Variants in SKA2 observed in about 807,000 individuals in gnomAD.
SKA2 encodes the protein spindle and kinetochore associated complex subunit 2.
In SKA2, 13 loss-of-function variants were observed where a neutral mutation model predicts 16.9. The ratio of observed to expected loss-of-function variants is 0.77; its 90% CI spans 0.50 to 1.22. The LOEUF (loss-of-function observed/expected upper bound fraction) is 1.22, where lower values mean the gene tolerates loss of function less well. Among genes scored for constraint, SKA2 ranks in the 50% most tolerant of loss-of-function variants. The pLI, the probability that SKA2 is intolerant of heterozygous loss-of-function variation, is 0.00. For synonymous variants in SKA2, 47 were observed against 48.5 expected (o/e 0.97, Z 0.13); for missense variants, 107 against 139.7 (o/e 0.77, Z 1.18).
At chr17:59,117,586 T>C (rs1339397914) in intron 3 of SKA2, among the ~76,000 whole-genome samples, 1 of 146,666 alleles carries the variant, frequency 6.8e-6, no homozygotes, top group Non-Finnish European at 1.5e-5. Context: ...TTCTTTTTCT[T>C]TTTTTTCTTT....
intron 3 of SKA2, among the ~76,000 whole-genome samples, chr17:59,113,548 G>A (rs904361383): frequency 7.3e-5 from 11 of 150,640 alleles, no homozygotes; most frequent in African/African-American, 2.2e-4. Flanking sequence ...AAGAGGCCGG[G>A]CACAGTGGCT....
In SKA2 at chr17:59,131,344, C is replaced by T. The variant is rs1414886402; in HGVS notation, c.57G>A (p.Leu19=). The change falls in exon 2 of 4, where the codon CTG becomes CTA. Residue 19 remains leucine, a synonymous_variant. Transcript: ENST00000330137. The stretch of plus-strand genomic sequence containing the variant: ...ATTCCAGCCTGTATTGAATGTAATC[C>T]AGATCAGACTCAGCTTTCTGGAACT... ...ELMFQKAESD[L]DYIQYRLEYE... 2 of 1,569,720 alleles carry T rather than the reference C, an allele frequency of 1.3e-6. No homozygotes were observed. Among genetic ancestry groups the T allele is most frequent in the South Asian group, 1.2e-5 (1 of 84,224 alleles).
At chr17:59,154,203 A>G (rs1452838737) in intron 1 of SKA2, among the ~76,000 whole-genome samples, 3 of 151,760 alleles carry the variant, frequency 2.0e-5, no homozygotes, top group East Asian at 1.9e-4. Context: ...GAAAAGAAAA[A>G]AAAGATAATG....
intron 1 of SKA2, among the ~76,000 whole-genome samples, chr17:59,135,662 A>G (rs1247416880): frequency 1.3e-5 from 2 of 151,836 alleles, no homozygotes; most frequent in South Asian, 2.1e-4. Flanking sequence ...CATAGGCATC[A>G]TTACAAATTA....
intron 1 of SKA2, among the ~76,000 whole-genome samples, chr17:59,136,721 G>T (rs184668493): frequency 1.9e-3 from 295 of 151,850 alleles, no homozygotes; most frequent in African/African-American, 6.6e-3. Flanking sequence ...GCTAAGTTTT[G>T]TATTTTTAGT....
intron 1 of SKA2, among the ~76,000 whole-genome samples, chr17:59,142,927 CAA>C (rs111796693): frequency 3.3e-5 from 2 of 60,320 alleles, no homozygotes; most frequent in Non-Finnish European, 6.9e-5. Context: ...AACCCCATCT[CAA>C]AAAAAAAAAA....
At chr17:59,152,711 AT>A (rs2046586886) in intron 1 of SKA2, among the ~76,000 whole-genome samples, 1 of 152,096 alleles carries the variant, frequency 6.6e-6, no homozygotes, top group Non-Finnish European at 1.5e-5. Context: ...CAAGTATAAC[AT>A]TTTTTTCTAG....
rs142426741 is a variant in SKA2, at chr17:59,112,773, T to C, written c.298-428A>G. Among the ~76,000 whole-genome samples, 3 of 152,284 alleles carry C rather than the reference T, an allele frequency of 2.0e-5. No individual in the cohort carries two copies. The East Asian group carries it at 5.8e-4, about 29-fold the overall frequency. Reference sequence around the variant, plus strand: ...TACATATCCTCCTGTATACTTTAAATCATCTCTAGATTACTTATATACCTA... The same window carrying C: ...TACATATCCTCCTGTATACTTTAAACCATCTCTAGATTACTTATATACCTA... On this transcript the variant is annotated intron_variant, in intron 3 of 3. Transcript: ENST00000330137.
intron 2 of SKA2, among the ~76,000 whole-genome samples, chr17:59,122,843 G>A (rs954086035): frequency 6.6e-6 from 1 of 151,588 alleles, no homozygotes; most frequent in Admixed American, 6.6e-5. Flanking sequence ...GGCTGGTCTA[G>A]AACTCCTGAC....
At chr17:59,131,233 A>G (rs1326556988) in intron 2 of SKA2, 48 bp downstream of exon 2, 1 of 1,320,412 alleles carries the variant, frequency 7.6e-7, no homozygotes, top group Admixed American at 2.1e-5. Context: ...ATTCTAAAGT[A>G]TTCAGTTAAG....
At chr17:59,118,679 C>T (rs2046312772) in intron 3 of SKA2, among the ~76,000 whole-genome samples, 1 of 152,042 alleles carries the variant, frequency 6.6e-6, no homozygotes, top group South Asian at 2.1e-4. Flanking sequence ...GTTCAATTGC[C>T]CTTCCTTCCT....
chr17:59,145,856 G>A (rs1224079859), intron 1 of SKA2, among the ~76,000 whole-genome samples: 1 of 151,966 alleles, frequency 6.6e-6, no homozygotes, highest in Non-Finnish European at 1.5e-5. Flanking sequence ...AGGCATCATG[G>A]TGCAACACCT....
chr17:59,155,078 GGC>G (rs747451516), intron 1 of SKA2, 51 bp downstream of exon 1: 3 of 1,614,002 alleles, frequency 1.9e-6, no homozygotes, highest in Non-Finnish European at 2.5e-6. Context: ...CCACCTCCGA[GGC>G]CATGGGGGAA....
At chr17:59,149,462 C>T (rs1331811910) in intron 1 of SKA2, among the ~76,000 whole-genome samples, 1 of 151,934 alleles carries the variant, frequency 6.6e-6, no homozygotes, top group Admixed American at 6.6e-5. Flanking sequence ...GCTATGATCA[C>T]ACCACCGCAC....
intron 2 of SKA2, among the ~76,000 whole-genome samples, chr17:59,128,440 C>CA (rs2046386400): frequency 6.6e-6 from 1 of 151,950 alleles, no homozygotes. Context: ...GCCTGGCCAA[C>CA]ATGGCAAAAC....
At chr17:59,120,823 A>G (rs2046327328) in intron 2 of SKA2, among the ~76,000 whole-genome samples, 1 of 152,174 alleles carries the variant, frequency 6.6e-6, no homozygotes, top group Non-Finnish European at 1.5e-5. Context: ...GAAAATCTCC[A>G]ATCTAGAATC....
rs144332354 is a variant in SKA2, at chr17:59,151,789, T to A, written c.33+3342A>T. On this transcript the variant is annotated intron_variant, in intron 1 of 3. Transcript: ENST00000330137. ...CTTACCATCTTACAGCTTTTTATCT[T>A]GAGTTTACTAAGGGCTGTCATAACA... 2.4e-3 allele frequency: 364 copies of A among 153,698 alleles called. 1 individual carries two copies. Among genetic ancestry groups the A allele is most frequent in the Non-Finnish European group, 4.2e-3 (292 of 69,112 alleles). 9.5% of individuals were successfully genotyped at this position (153,698 alleles called of 1,614,324 possible). A position where few individuals can be genotyped will look rare whatever the true frequency, so the allele number is the denominator to read the frequency against.
chr17:59,112,802 C>CA (rs1568299014), intron 3 of SKA2, among the ~76,000 whole-genome samples: 1 of 152,008 alleles, frequency 6.6e-6, no homozygotes. Flanking sequence ...ATACCTAATA[C>CA]AATGTAAATG....
rs576833305 is a variant in SKA2, at chr17:59,132,249, G to A, written c.34-882C>T. Among the ~76,000 whole-genome samples, 5 of 152,210 alleles carry A rather than the reference G, an allele frequency of 3.3e-5. No homozygotes were observed. The South Asian group carries it at 8.3e-4, about 25-fold the overall frequency. Reference sequence around the variant, plus strand: ...CAGAAGCCTGTAATCCCACTTACTCGGGAGGCTGAGGCAGGAGAATCGCTT... The same window carrying A: ...CAGAAGCCTGTAATCCCACTTACTCAGGAGGCTGAGGCAGGAGAATCGCTT... On this transcript the variant is annotated intron_variant, in intron 1 of 3. Coordinates refer to ENST00000330137, the MANE Select transcript of SKA2 (RefSeq NM_182620.4).
Sources: allele counts gnomAD v4.1 joint callset (sites outside exome capture counted in the v4.1 genomes callset), GRCh38; gene constraint gnomAD v4.1.1; transcripts MANE v1.5; gene names NCBI Gene and HGNC (gene_info 2026-07-23, HGNC 2026-07-21).